The following GNG2 variants were observed in gnomAD, a reference collection of about 807,000 sequenced individuals.
GNG2 encodes G protein subunit gamma 2.
A neutral mutation model predicts 5.5 loss-of-function variants in GNG2; 5 were observed. The observed-to-expected ratio is 0.91, with a 90% CI of 0.48 to 1.92. The LOEUF (loss-of-function observed/expected upper bound fraction) is 1.92. Among genes scored for constraint, GNG2 ranks in the 30% most tolerant of loss-of-function variants. The pLI is 0.01. For synonymous variants in GNG2, 28 were observed against 32.0 expected (o/e 0.88, Z 0.42); for missense variants, 55 against 88.4 (o/e 0.62, Z 1.52).
intron 2 of GNG2, among the ~76,000 whole-genome samples, chr14:51,905,875 T>A (rs2140189559): frequency 6.6e-6 from 1 of 152,384 alleles, no homozygotes; most frequent in Non-Finnish European, 1.5e-5. Context: ...TGCTGCCATG[T>A]GAAGAAGGAT....
chr14:51,885,171 T>C (rs1033302973), intron 2 of GNG2, among the ~76,000 whole-genome samples: 6 of 152,232 alleles, frequency 3.9e-5, no homozygotes, highest in African/African-American at 9.6e-5. Flanking sequence ...TTTTGACTTA[T>C]ACCTCCAGGC....
chr14:51,827,547 A>AT (rs1321595143), intron 1 of GNG2: 2 of 582,386 alleles, frequency 3.4e-6, no homozygotes, highest in Non-Finnish European at 6.1e-6. Context: ...TAGGAGTGGT[A>AT]TTTTTTGATG....
chr14:51,924,275 A>G (rs1887186850), intron 2 of GNG2, among the ~76,000 whole-genome samples: 1 of 152,206 alleles, frequency 6.6e-6, no homozygotes, highest in Admixed American at 6.5e-5. Context: ...TGAAGTCAAA[A>G]TGGCATACTA....
intron 2 of GNG2, among the ~76,000 whole-genome samples, chr14:51,899,524 T>C (rs1885414787): frequency 6.6e-6 from 1 of 152,226 alleles, no homozygotes; most frequent in South Asian, 2.1e-4. Context: ...TGCATTCACA[T>C]TGTTGTTCAA....
chr14:51,861,555 TA>T (rs1210985838), intron 1 of GNG2, among the ~76,000 whole-genome samples: 1 of 152,264 alleles, frequency 6.6e-6, no homozygotes, highest in East Asian at 1.9e-4. Context: ...AGGGACAAAA[TA>T]AAAAAGTGCA....
chr14:51,909,578 A>G (rs1388117446), intron 2 of GNG2, among the ~76,000 whole-genome samples: 2 of 152,194 alleles, frequency 1.3e-5, no homozygotes, highest in African/African-American at 4.8e-5. Context: ...CTGCTGTAAG[A>G]TCATAGCAAC....
intron 1 of GNG2, among the ~76,000 whole-genome samples, chr14:51,863,271 T>C (rs879397797): frequency 2.0e-5 from 3 of 152,220 alleles, no homozygotes; most frequent in Non-Finnish European, 4.4e-5. Flanking sequence ...AACCTATTAC[T>C]GGTTCTTACT....
chr14:51,940,241 C>G (rs569068760), intron 2 of GNG2: 12 of 152,346 alleles, frequency 7.9e-5, no homozygotes, highest in African/African-American at 2.6e-4. Context: ...TTGACAAATT[C>G]ATTCTTCATC....
At chr14:51,903,108 A>T (rs34248762) in intron 2 of GNG2, among the ~76,000 whole-genome samples, 15,186 of 152,242 alleles carry the variant, frequency 0.1, 1,343 homozygotes, top group African/African-American at 0.24. Flanking sequence ...AATTGTTTAC[A>T]GTAGAGCTAT....
intron 2 of GNG2, among the ~76,000 whole-genome samples, chr14:51,844,346 G>A (rs566659053): frequency 6.6e-6 from 1 of 152,186 alleles, no homozygotes; most frequent in Non-Finnish European, 1.5e-5. Flanking sequence ...CTCTCCCCAG[G>A]GTAAGCTGGA....
At chr14:51,833,710 A>T (rs1285846794) in intron 2 of GNG2, among the ~76,000 whole-genome samples, 1 of 152,266 alleles carries the variant, frequency 6.6e-6, no homozygotes, top group African/African-American at 2.4e-5. Context: ...TAGAAATGAT[A>T]ATACTGATTT....
rs7151336 is a variant in GNG2, at chr14:51,863,038, A to G, written c.-71+2248A>G. 3.7e-3 allele frequency among the ~76,000 whole-genome samples: 535 copies of G among 145,152 alleles called. 5 individuals carry two copies. The highest frequency in any genetic ancestry group is 0.013 in the African/African-American group (494 of 39,060). On this transcript the variant is annotated intron_variant, in intron 1 of 3. Coordinates refer to ENST00000556766, the MANE Select transcript of GNG2 (RefSeq NM_053064.5). Reference sequence around the variant, plus strand: ...AATGGCTGAATGGAAACATGACTCCATTATTTCATTGCCAGCCTTGGGCCT... The same window carrying G: ...AATGGCTGAATGGAAACATGACTCCGTTATTTCATTGCCAGCCTTGGGCCT...
Position 51,877,621 on chromosome 14 carries a change from A to C in GNG2, c.-66A>C. The C allele has an allele frequency of 2.2e-6, 1 of 456,194 alleles. No homozygotes were observed. The highest frequency in any genetic ancestry group is 4.4e-6 in the Non-Finnish European group (1 of 226,658). 28.3% of individuals were successfully genotyped at this position (456,194 alleles called of 1,614,324 possible). On this transcript the variant is annotated 5_prime_UTR_variant, in exon 2 of 4. Transcript: ENST00000556766. ...TTCTCTCTGCTTTCTCAACAGCCAG[A>C]TCTGCCAGTGAGCCTCAGGCTTTAG... is the stretch of plus-strand genomic sequence containing the variant.
chr14:51,860,981 A>G (rs188834011), intron 1 of GNG2, among the ~76,000 whole-genome samples, 191 bp downstream of exon 1: 4 of 152,254 alleles, frequency 2.6e-5, no homozygotes, highest in Non-Finnish European at 1.5e-5. Flanking sequence ...AAACCTCATC[A>G]TCAGTGCTTA....
chr14:51,947,588 G>C (rs750237179), intron 2 of GNG2, among the ~76,000 whole-genome samples: 3 of 152,128 alleles, frequency 2.0e-5, no homozygotes, highest in Non-Finnish European at 4.4e-5. Flanking sequence ...GCCTCAAAAA[G>C]GAACACAGCC....
intron 2 of GNG2, among the ~76,000 whole-genome samples, chr14:51,829,448 C>G (rs527679930): frequency 6.6e-6 from 1 of 152,310 alleles, no homozygotes; most frequent in East Asian, 1.9e-4. Flanking sequence ...ATGTCCTCAT[C>G]TTACTTGTCT....
intron 2 of GNG2, among the ~76,000 whole-genome samples, chr14:51,933,892 G>C (rs1452756213): frequency 1.3e-5 from 2 of 152,210 alleles, no homozygotes; most frequent in African/African-American, 4.8e-5. Context: ...AGAAGGGAAG[G>C]TGTGAAAATC....
At chr14:51,852,593 CA>C (rs1264304692) in intron 2 of GNG2, among the ~76,000 whole-genome samples, 3 of 152,278 alleles carry the variant, frequency 2.0e-5, no homozygotes, top group Non-Finnish European at 4.4e-5. Context: ...TAAAACTGCA[CA>C]AAAATAGTAA....
intron 2 of GNG2, among the ~76,000 whole-genome samples, chr14:51,918,900 C>T (rs1886825752): frequency 6.6e-6 from 1 of 152,228 alleles, no homozygotes; most frequent in Non-Finnish European, 1.5e-5. Flanking sequence ...TCTCAGCTCA[C>T]CGCAACCTCC....
Sources: gnomAD v4.1 joint callset for allele counts (sites outside exome capture counted in the v4.1 genomes callset) on GRCh38, gnomAD v4.1.1 for gene constraint, MANE v1.5 for transcripts, NCBI Gene and HGNC (gene_info 2026-07-23, HGNC 2026-07-21) for gene names.